N4BP1: variants seen among roughly 807,000 people sequenced by gnomAD.
N4BP1 encodes NEDD4 binding protein 1.
Under a neutral mutation model 70.9 loss-of-function variants are expected in N4BP1, and 21 were observed. The observed-to-expected ratio is 0.30, with a 90% confidence interval of 0.21 to 0.43. The LOEUF (loss-of-function observed/expected upper bound fraction) is 0.43, where lower values mean the gene tolerates loss of function less well. Ranked by LOEUF, N4BP1 falls within the 20% of genes least tolerant of loss-of-function variation. N4BP1 has a pLI of 1.00. For missense variants in N4BP1, 936 were observed against 1,069.4 expected, an observed-to-expected ratio of 0.88 and a Z score of 1.74; for synonymous variants, 387 against 394.6, an observed-to-expected ratio of 0.98 and a Z score of 0.23.
intron 1 of N4BP1, among the ~76,000 whole-genome samples, chr16:48,601,229 A>G (rs1272957198): frequency 2.0e-5 from 3 of 152,210 alleles, no homozygotes; most frequent in Non-Finnish European, 4.4e-5. Flanking sequence ...TTAGAACTGA[A>G]TAATCTTTGC....
At chr16:48,574,035 T>C (rs1567436532) in intron 1 of N4BP1, among the ~76,000 whole-genome samples, 1 of 152,166 alleles carries the variant, frequency 6.6e-6, no homozygotes, top group Non-Finnish European at 1.5e-5. Flanking sequence ...CAAACCCACG[T>C]TGTTCAAGGG....
rs142798096 is a variant in N4BP1, at chr16:48,543,364, C to A, written c.2334-103G>T. The A allele has an allele frequency of 2.6e-4, 249 of 944,042 alleles. No homozygotes were observed. In the African/African-American group the frequency reaches 3.5e-3, roughly 13 times the overall value. The allele number at this position is 944,042 out of a possible 1,614,324, so 58.5% of individuals were successfully genotyped here. On this transcript the variant is annotated intron_variant, in intron 6 of 6. Coordinates refer to ENST00000262384, the MANE Select transcript of N4BP1 (RefSeq NM_153029.4). The stretch of plus-strand genomic sequence containing the variant: ...CGGCAGGCCTTGAGGCTCAGGATGC[C>A]GCTCCCTGGCTTCCAAAGGCAGGAT...
chr16:48,601,597 T>C (rs1164013838), intron 1 of N4BP1, among the ~76,000 whole-genome samples: 1 of 152,222 alleles, frequency 6.6e-6, no homozygotes, highest in East Asian at 1.9e-4. Context: ...CAGACGTGGA[T>C]TTATTCCTAC....
Position 48,560,832 on chromosome 16 carries a change from T to C in N4BP1, c.1811A>G (p.Tyr604Cys), listed in dbSNP as rs774323575. The C allele has an allele frequency of 6.2e-7, 1 of 1,613,968 alleles. No homozygotes were observed. The highest frequency in any genetic ancestry group is 8.5e-7 in the Non-Finnish European group (1 of 1,179,854). The change falls in exon 2 of 7, where the codon TAC (tyrosine) becomes TGC (cysteine). Residue 604 changes from tyrosine to cysteine, a missense_variant. Tyr to Cys is a radical substitution (Grantham distance 194, BLOSUM62 -2). Transcript: ENST00000262384. The part of the protein sequence containing the change: ...QRFRDTLKIP[Y>C]KLELKNEPGR... ...TGGTTCATTTTTTAATTCCAGCTTG[T>C]AGGGTATTTTTAGAGTATCTCGAAA...
chr16:48,588,536 C>A (rs554144902), intron 1 of N4BP1, among the ~76,000 whole-genome samples: 1 of 152,124 alleles, frequency 6.6e-6, no homozygotes, highest in Admixed American at 6.6e-5. Flanking sequence ...CTCAAGTGAT[C>A]CACCTGCCTC....
At chr16:48,570,964 C>T (rs1964011970) in intron 1 of N4BP1, among the ~76,000 whole-genome samples, 1 of 151,998 alleles carries the variant, frequency 6.6e-6, no homozygotes, top group African/African-American at 2.4e-5. Flanking sequence ...GCTAATTTTT[C>T]TATTTTTAGT....
At position 48,563,110 on chromosome 16, in the gene N4BP1, T is replaced by C. The variant is rs115584564; in HGVS notation, c.199-666A>G. 5.6e-3 allele frequency among the ~76,000 whole-genome samples: 854 copies of C among 152,252 alleles called. 6 individuals are homozygous for C. Among genetic ancestry groups the C allele is most frequent in the African/African-American group, 0.019 (771 of 41,536 alleles). On this transcript the variant is annotated intron_variant, in intron 1 of 6. Coordinates refer to ENST00000262384, the MANE Select transcript of N4BP1 (RefSeq NM_153029.4). ...AAGTGAATGCTGGACAGTATTGGTG[T>C]TCTCAGATGTTGGTATTGAAATAAA...
intron 1 of N4BP1, among the ~76,000 whole-genome samples, chr16:48,563,117 A>G (rs1028070919): frequency 3.3e-5 from 5 of 151,986 alleles, no homozygotes; most frequent in African/African-American, 1.2e-4. Flanking sequence ...GTGTTCTCAG[A>G]TGTTGGTATT....
Position 48,561,583 on chromosome 16 carries a change from A to G in N4BP1, c.1060T>C (p.Phe354Leu). The change falls in exon 2 of 7, where the codon TTT becomes CTT. Residue 354 changes from phenylalanine (F) to leucine (L), a missense_variant. Coordinates refer to ENST00000262384, the MANE Select transcript of N4BP1 (RefSeq NM_153029.4). ...TCTTGGGAGTAGCCCATGGTTTTAA[A>G]AAAGTTTACGAGGATGTTGTATTCC... ...EMEYNILVNF[F>L]KTMGYSQEIV... The G allele has an allele frequency of 6.2e-7, 1 of 1,613,886 alleles. No homozygotes were observed. The highest frequency in any genetic ancestry group is 8.5e-7 in the Non-Finnish European group (1 of 1,179,876).
intron 1 of N4BP1, among the ~76,000 whole-genome samples, chr16:48,577,364 C>T (rs1206900226): frequency 6.6e-6 from 1 of 152,026 alleles, no homozygotes; most frequent in African/African-American, 2.4e-5. Flanking sequence ...TTAAATTTCC[C>T]AAAATTCTTT....
At chr16:48,605,159 A>G (rs1382436510) in intron 1 of N4BP1, among the ~76,000 whole-genome samples, 1 of 151,882 alleles carries the variant, frequency 6.6e-6, no homozygotes, top group African/African-American at 2.4e-5. Context: ...CAGCCTCCTG[A>G]GTAGCTGGGA....
At chr16:48,566,891 T>C (rs1039229630) in intron 1 of N4BP1, among the ~76,000 whole-genome samples, 4 of 152,244 alleles carry the variant, frequency 2.6e-5, no homozygotes, top group Admixed American at 6.5e-5. Flanking sequence ...GCTCTACTGA[T>C]AGGAATATAA....
chr16:48,609,591 C>T (rs987973645), intron 1 of N4BP1, among the ~76,000 whole-genome samples, 184 bp downstream of exon 1: 4 of 152,194 alleles, frequency 2.6e-5, no homozygotes, highest in Admixed American at 6.5e-5. Context: ...ACTGAGGCTC[C>T]GGGGATCAAG....
chr16:48,571,750 A>G (rs1011488323), intron 1 of N4BP1, among the ~76,000 whole-genome samples: 2 of 152,232 alleles, frequency 1.3e-5, no homozygotes, highest in Non-Finnish European at 2.9e-5. Flanking sequence ...AAGGGGAAGA[A>G]ACCTTTCTAA....
chr16:48,562,390 TG>T lies in N4BP1; in HGVS notation c.252del (p.Lys85ArgfsTer15). ...EPELEERECY[P>X]KDMHCIFVGA... ...CCAACAAAAATGCAGTGCATGTCCT[TG>T]GGGTAACATTCTCTTTCTTCTAGTT... is the stretch of plus-strand genomic sequence containing the variant. On this transcript the variant is annotated frameshift_variant, in exon 2 of 7. Coordinates refer to ENST00000262384, the MANE Select transcript of N4BP1 (RefSeq NM_153029.4). LOFTEE classifies it high-confidence loss of function. 1 of 1,613,312 alleles carries T rather than the reference TG, an allele frequency of 6.2e-7. No homozygotes were observed. The highest frequency in any genetic ancestry group is 8.5e-7 in the Non-Finnish European group (1 of 1,179,694).
At chr16:48,566,208 C>T (rs887905887) in intron 1 of N4BP1, among the ~76,000 whole-genome samples, 1 of 151,646 alleles carries the variant, frequency 6.6e-6, no homozygotes, top group Non-Finnish European at 1.5e-5. Context: ...CTTTTCTTTT[C>T]TTTCTTTTAT....
At chr16:48,579,952 A>G (rs1341561198) in intron 1 of N4BP1, among the ~76,000 whole-genome samples, 1 of 152,100 alleles carries the variant, frequency 6.6e-6, no homozygotes, top group African/African-American at 2.4e-5. Context: ...TACACACTCA[A>G]ATACATAAGG....
At chr16:48,598,867 C>T (rs923391605) in intron 1 of N4BP1, among the ~76,000 whole-genome samples, 1 of 151,988 alleles carries the variant, frequency 6.6e-6, no homozygotes, top group Non-Finnish European at 1.5e-5. Flanking sequence ...CCGACTAGGG[C>T]TACTAGATTG....
intron 2 of N4BP1, chr16:48,560,493 A>G: frequency 2.5e-6 from 1 of 403,584 alleles, no homozygotes; most frequent in Non-Finnish European, 4.4e-6. Flanking sequence ...TCACTGAGCA[A>G]TGCAACGTGA....
Sources: allele counts gnomAD v4.1 joint callset (sites outside exome capture counted in the v4.1 genomes callset), GRCh38; gene constraint gnomAD v4.1.1; transcripts MANE v1.5; gene names NCBI Gene and HGNC (gene_info 2026-07-23, HGNC 2026-07-21).